The following XYLT1 variants were observed in gnomAD, a reference collection of about 807,000 sequenced individuals.
The protein encoded by XYLT1 is xylosyltransferase 1.
In XYLT1, 36 loss-of-function variants were observed where a neutral mutation model predicts 91.3. The observed-to-expected ratio is 0.39, with a 90% CI of 0.30 to 0.52. The LOEUF is 0.52. XYLT1 is among the 20% of genes least tolerant of loss of function. XYLT1 has a pLI of 0.68. For missense variants in XYLT1, 1,242 were observed against 1,284.5 expected (o/e 0.97, Z 0.51); for synonymous variants, 588 against 532.0 (o/e 1.11, Z -1.45).
At chr16:17,454,905 CCCCCCCCG>C (rs1412739570) in intron 1 of XYLT1, among the ~76,000 whole-genome samples, 1 of 60,404 alleles carries the variant, frequency 1.7e-5, no homozygotes, top group Non-Finnish European at 2.8e-5. Context: ...TTCTTTCCTC[CCCCCCCCG>C]CCCCCCCCCG....
intron 1 of XYLT1, among the ~76,000 whole-genome samples, chr16:17,391,695 C>T (rs1334925020): frequency 6.6e-6 from 1 of 152,178 alleles, no homozygotes; most frequent in Non-Finnish European, 1.5e-5. Context: ...ATTGATAGGG[C>T]TTGGCTGTGT....
intron 2 of XYLT1, among the ~76,000 whole-genome samples, chr16:17,305,635 C>T (rs1162927386): frequency 6.6e-6 from 1 of 151,968 alleles, no homozygotes; most frequent in Non-Finnish European, 1.5e-5. Context: ...AGGGTGGTCT[C>T]GATCTCCTGA....
At chr16:17,298,450 GTC>G (rs774206429) in intron 2 of XYLT1, among the ~76,000 whole-genome samples, 26 of 152,276 alleles carry the variant, frequency 1.7e-4, no homozygotes, top group Non-Finnish European at 2.9e-4. Context: ...AGGAGCTGAC[GTC>G]ATTTATACCA....
At position 17,177,999 on chromosome 16, in the gene XYLT1, A is replaced by AT. The variant is rs572588099; in HGVS notation, c.1290-19091dup. ...AATGACATTAACCTTTTTGATTCAG[A>AT]TTGAGGAAGGTGGTGCAGGGTGAAT... On this transcript the variant is annotated intron_variant, in intron 5 of 11. Coordinates refer to ENST00000261381, the MANE Select transcript of XYLT1 (RefSeq NM_022166.4). Among the ~76,000 whole-genome samples the AT allele has an allele frequency of 3.9e-5, 6 of 152,262 alleles. No individual in the cohort carries two copies. The South Asian group carries it at 1.2e-3, about 32-fold the overall frequency.
intron 1 of XYLT1, among the ~76,000 whole-genome samples, chr16:17,447,847 G>C (rs1300628463): frequency 1.3e-5 from 2 of 152,174 alleles, no homozygotes; most frequent in African/African-American, 4.8e-5. Context: ...GCTGCAGTAA[G>C]AGTTTTAAAA....
chr16:17,388,563 T>C (rs2035776866), intron 1 of XYLT1, among the ~76,000 whole-genome samples: 1 of 152,008 alleles, frequency 6.6e-6, no homozygotes, highest in Admixed American at 6.6e-5. Context: ...ATACTTAATA[T>C]GAACAGTTAA....
chr16:17,111,229 C>G (rs1032513036), intron 11 of XYLT1, among the ~76,000 whole-genome samples: 2 of 151,862 alleles, frequency 1.3e-5, no homozygotes, highest in Non-Finnish European at 2.9e-5. Flanking sequence ...GTAAGAGTGA[C>G]TACTACTACT....
intron 9 of XYLT1, among the ~76,000 whole-genome samples, chr16:17,132,652 C>G (rs2030535046): frequency 6.6e-6 from 1 of 152,204 alleles, no homozygotes. Flanking sequence ...CCTGTAATCT[C>G]AGCACTTAGG....
chr16:17,141,601 T>C (rs2141520747), intron 6 of XYLT1, among the ~76,000 whole-genome samples: 1 of 152,200 alleles, frequency 6.6e-6, no homozygotes, highest in Non-Finnish European at 1.5e-5. Context: ...CCAACTTTCA[T>C]ATGAGGGCAC....
chr16:17,286,096 C>A (rs1263332759), intron 2 of XYLT1, among the ~76,000 whole-genome samples: 1 of 152,144 alleles, frequency 6.6e-6, no homozygotes, highest in East Asian at 1.9e-4. Context: ...TCACAATAAA[C>A]CTGTCATAGA....
intron 3 of XYLT1, among the ~76,000 whole-genome samples, chr16:17,246,608 G>A (rs2033438932): frequency 6.6e-6 from 1 of 152,170 alleles, no homozygotes. Context: ...TTCTTCGTCT[G>A]TTCAATGGAA....
At chr16:17,400,621 G>A (rs201366050) in intron 1 of XYLT1, among the ~76,000 whole-genome samples, 2 of 116,710 alleles carry the variant, frequency 1.7e-5, no homozygotes, top group Non-Finnish European at 3.5e-5. Flanking sequence ...GGGAGGGAGG[G>A]AGGAAGGGAG....
At chr16:17,148,215 T>G (rs1156435358) in intron 6 of XYLT1, among the ~76,000 whole-genome samples, 1 of 152,218 alleles carries the variant, frequency 6.6e-6, no homozygotes, top group African/African-American at 2.4e-5. Context: ...GCAAAGTGTT[T>G]AGTAAGCGCT....
intron 6 of XYLT1, among the ~76,000 whole-genome samples, chr16:17,148,376 T>G (rs1223632018): frequency 6.6e-6 from 1 of 152,254 alleles, no homozygotes; most frequent in East Asian, 1.9e-4. Flanking sequence ...ACAAGATATT[T>G]ATTTAGTCTG....
In XYLT1 at chr16:17,312,046, A is replaced by G. The variant is rs112464831; in HGVS notation, c.402+45966T>C. On this transcript the variant is annotated intron_variant, in intron 2 of 11. Coordinates refer to ENST00000261381, the MANE Select transcript of XYLT1 (RefSeq NM_022166.4). The surrounding 1 kb of genome is among the most constrained non-coding windows in gnomAD (Gnocchi z 4.4). ...GTGGGGACACAACCAAACCATATCA[A>G]TGGGGGTTTAAGCAGAGGTCTGAGG... Among the ~76,000 whole-genome samples, 2,670 of 152,220 alleles carry G rather than the reference A, an allele frequency of 0.018. 75 individuals carry two copies. The highest frequency in any genetic ancestry group is 0.06 in the African/African-American group (2,493 of 41,520).
At chr16:17,192,522 C>A (rs891469736) in intron 5 of XYLT1, among the ~76,000 whole-genome samples, 2 of 152,194 alleles carry the variant, frequency 1.3e-5, no homozygotes, top group Non-Finnish European at 2.9e-5. Flanking sequence ...ATAGAACATA[C>A]GAATAAAACC....
chr16:17,222,062 C>T (rs113154964), intron 3 of XYLT1, among the ~76,000 whole-genome samples: 4,055 of 152,232 alleles, frequency 0.027, 70 homozygotes, highest in Admixed American at 0.039. Flanking sequence ...ATTCACAGCC[C>T]GTCAACTGGC....
chr16:17,290,963 C>CAGACAGCCTG (rs1424151719), intron 2 of XYLT1, among the ~76,000 whole-genome samples: 2 of 152,154 alleles, frequency 1.3e-5, no homozygotes, highest in East Asian at 1.9e-4. Context: ...TTTTGAGACA[C>CAGACAGCCTG]GGTCTCTGTC....
chr16:17,145,044 C>A (rs1021167608), intron 6 of XYLT1, among the ~76,000 whole-genome samples: 6 of 152,204 alleles, frequency 3.9e-5, no homozygotes, highest in African/African-American at 1.4e-4. Flanking sequence ...CATGCTAGCC[C>A]CTGATAACCA....
Sources: gnomAD v4.1 joint callset for allele counts (sites outside exome capture counted in the v4.1 genomes callset) on GRCh38, gnomAD v4.1.1 for gene constraint, Gnocchi (gnomAD v3.1) non-coding constraint, MANE v1.5 for transcripts, NCBI Gene and HGNC (gene_info 2026-07-23, HGNC 2026-07-21) for gene names.